Variants in PTGER3 observed in about 807,000 individuals in gnomAD.
PTGER3 encodes prostaglandin E2 receptor EP3 subtype.
PTGER3 carries 22 observed loss-of-function variants against 34.7 expected under a neutral mutation model. The observed-to-expected ratio is 0.63, with a 90% CI of 0.45 to 0.91. The LOEUF is 0.91. PTGER3 is among the 40% of genes least tolerant of loss of function. The pLI, the probability that PTGER3 is intolerant of heterozygous loss-of-function variation, is 0.00. For missense variants in PTGER3, 468 were observed against 519.4 expected (o/e 0.90, Z 0.96); for synonymous variants, 241 against 230.1 (o/e 1.05, Z -0.43).
intron 2 of PTGER3, among the ~76,000 whole-genome samples, chr1:70,976,205 T>C (rs1653682417): frequency 6.6e-6 from 1 of 152,104 alleles, no homozygotes. Context: ...AGTGGCACTG[T>C]CTGTGGAGCA....
At chr1:70,872,259 TC>T (rs1326415672) in intron 4 of PTGER3, among the ~76,000 whole-genome samples, 1 of 152,220 alleles carries the variant, frequency 6.6e-6, no homozygotes, top group Non-Finnish European at 1.5e-5. Flanking sequence ...ATATTGTCCT[TC>T]CTGAAATGGT....
chr1:70,996,805 A>G (rs929906148), intron 2 of PTGER3, among the ~76,000 whole-genome samples: 2 of 152,060 alleles, frequency 1.3e-5, no homozygotes, highest in African/African-American at 4.8e-5. Context: ...GTGGGACTAC[A>G]GGCGCCCGCC....
chr1:70,925,895 G>A (rs1285268366), intron 4 of PTGER3, among the ~76,000 whole-genome samples: 2 of 151,964 alleles, frequency 1.3e-5, no homozygotes, highest in African/African-American at 4.8e-5. Flanking sequence ...ACATTCTTTA[G>A]TGAATATTAA....
At chr1:71,013,914 T>C (rs1348626953) in intron 1 of PTGER3, among the ~76,000 whole-genome samples, 2 of 152,148 alleles carry the variant, frequency 1.3e-5, no homozygotes, top group Admixed American at 6.6e-5. Flanking sequence ...AGTTTGTAAC[T>C]GGCTCCTAAG....
chr1:70,942,724 A>G (rs1402602323), intron 4 of PTGER3, among the ~76,000 whole-genome samples: 2 of 152,170 alleles, frequency 1.3e-5, no homozygotes, highest in Non-Finnish European at 2.9e-5. Context: ...AGGGCCTTTA[A>G]ATAAGTAATT....
chr1:70,980,118 C>G (rs1468848175), intron 2 of PTGER3, among the ~76,000 whole-genome samples: 1 of 152,004 alleles, frequency 6.6e-6, no homozygotes, highest in Non-Finnish European at 1.5e-5. Flanking sequence ...AAGTCTTGAA[C>G]AAAGACAGGA....
intron 4 of PTGER3, among the ~76,000 whole-genome samples, chr1:70,919,876 T>G (rs1647357368): frequency 6.6e-6 from 1 of 152,100 alleles, no homozygotes. Context: ...TACAGAGAAT[T>G]GAGGTGAGCA....
At chr1:70,932,927 G>A (rs1050810871) in intron 4 of PTGER3, among the ~76,000 whole-genome samples, 1 of 151,910 alleles carries the variant, frequency 6.6e-6, no homozygotes, top group Non-Finnish European at 1.5e-5. Flanking sequence ...ACATACACAC[G>A]AACACACACA....
intron 1 of PTGER3, among the ~76,000 whole-genome samples, chr1:71,042,271 C>T (rs371944936): frequency 3.3e-5 from 5 of 149,524 alleles, no homozygotes; most frequent in African/African-American, 1.2e-4. Flanking sequence ...CCTTTGTTCT[C>T]ATTGGGCTGG....
intron 4 of PTGER3, among the ~76,000 whole-genome samples, chr1:70,882,769 A>G (rs1646417922): frequency 6.6e-6 from 1 of 152,088 alleles, no homozygotes; most frequent in Admixed American, 6.5e-5. Context: ...CTCACCCTTT[A>G]CCATGTGGGA....
intron 4 of PTGER3, among the ~76,000 whole-genome samples, chr1:70,894,118 G>C (rs970765150): frequency 1.3e-5 from 2 of 151,886 alleles, no homozygotes; most frequent in African/African-American, 4.8e-5. Context: ...GACCAGCCTG[G>C]CCAACGTGGT....
At chr1:70,861,478 T>C (rs1364727890) in intron 4 of PTGER3, among the ~76,000 whole-genome samples, 3 of 152,220 alleles carry the variant, frequency 2.0e-5, no homozygotes, top group Admixed American at 6.5e-5. Flanking sequence ...ACCTTGGCTA[T>C]ATTTTGCTTT....
At chr1:70,951,565 G>A (rs1650763023), downstream of PTGER3, 1 of 152,192 alleles carries the variant, frequency 6.6e-6, no homozygotes, top group Non-Finnish European at 1.5e-5. Flanking sequence ...ATACGGAGTA[G>A]AAGAAGGAGA....
intron 2 of PTGER3, among the ~76,000 whole-genome samples, chr1:70,995,568 T>C (rs543584395): frequency 1.3e-5 from 2 of 152,146 alleles, no homozygotes; most frequent in Non-Finnish European, 2.9e-5. Context: ...GTCTTAGTCT[T>C]TCTTTAAAAA....
chr1:71,001,107 G>A (rs1229299014), intron 2 of PTGER3, among the ~76,000 whole-genome samples: 1 of 152,112 alleles, frequency 6.6e-6, no homozygotes, highest in Non-Finnish European at 1.5e-5. Context: ...TTAGAATGGG[G>A]ACTGTGGGTT....
At chr1:70,991,905 G>C (rs1202604293) in intron 2 of PTGER3, among the ~76,000 whole-genome samples, 1 of 152,034 alleles carries the variant, frequency 6.6e-6, no homozygotes, top group Non-Finnish European at 1.5e-5. Flanking sequence ...TTAGATTATA[G>C]GTCTTATGGT....
intron 2 of PTGER3, among the ~76,000 whole-genome samples, chr1:71,000,147 C>T (rs1656346355): frequency 6.6e-6 from 1 of 152,158 alleles, no homozygotes. Context: ...CGAAGATAAA[C>T]TTGAAGCTTC....
intron 1 of PTGER3, among the ~76,000 whole-genome samples, chr1:71,014,515 T>C (rs1422510628): frequency 6.6e-6 from 1 of 152,142 alleles, no homozygotes; most frequent in Non-Finnish European, 1.5e-5. Flanking sequence ...ACCCTTTATG[T>C]GATGGTATTA....
rs111351212 is a variant in PTGER3, at chr1:70,903,971, G to T, written c.*23+49792C>A. ...TCCCAGCCAAAACTCATCTTGAATT[G>T]TAACTCCCACAATTCCCATGTGTTG... On this transcript the variant is annotated intron_variant, in intron 4 of 4. Transcript: ENST00000370931. Among the ~76,000 whole-genome samples the T allele has an allele frequency of 8.4e-3, 1,278 of 152,244 alleles. 20 individuals are homozygous for T. Among genetic ancestry groups the T allele is most frequent in the African/African-American group, 0.03 (1,229 of 41,534 alleles).
Sources: allele counts gnomAD v4.1 joint callset (sites outside exome capture counted in the v4.1 genomes callset), GRCh38; gene constraint gnomAD v4.1.1; transcripts MANE v1.5; gene names NCBI Gene and HGNC (gene_info 2026-07-23, HGNC 2026-07-21).